Variants in GNAO1 observed in about 807,000 individuals in gnomAD.
The protein encoded by GNAO1 is guanine nucleotide-binding protein G(o) subunit alpha.
For missense variants in GNAO1, 166 were observed against 478.7 expected (o/e 0.35, Z 6.10); for synonymous variants, 164 against 180.7 (o/e 0.91, Z 0.74).
intron 3 of GNAO1, among the ~76,000 whole-genome samples, chr16:56,297,524 TGTGTG>T (rs1265398922): frequency 8.3e-5 from 2 of 24,210 alleles, no homozygotes; most frequent in South Asian, 1.4e-3. Context: ...GTCTAACTGG[TGTGTG>T]TGTGTGTGTG....
chr16:56,329,872 G>A (rs1024606997), intron 4 of GNAO1, among the ~76,000 whole-genome samples: 3 of 152,226 alleles, frequency 2.0e-5, no homozygotes, highest in African/African-American at 7.2e-5. Context: ...CAGCTAGCAG[G>A]TAGAGGCCAG....
intron 2 of GNAO1, among the ~76,000 whole-genome samples, chr16:56,236,352 GGAGA>G (rs1353875441): frequency 6.6e-6 from 1 of 152,152 alleles, no homozygotes; most frequent in East Asian, 1.9e-4. Context: ...ACATACAGAA[GGAGA>G]GAGAGACAGA....
chr16:56,243,096 T>C (rs2036710142), intron 2 of GNAO1, among the ~76,000 whole-genome samples: 2 of 151,610 alleles, frequency 1.3e-5, no homozygotes, highest in Non-Finnish European at 2.9e-5. Context: ...GATCTGTCAC[T>C]GTCTCCCATC....
chr16:56,312,307 G>A (rs1397226341), intron 3 of GNAO1, among the ~76,000 whole-genome samples: 1 of 152,214 alleles, frequency 6.6e-6, no homozygotes, highest in African/African-American at 2.4e-5. Flanking sequence ...AGTATAAAAT[G>A]GGGGAAACGA....
At chr16:56,324,002 G>A (rs936523445) in intron 3 of GNAO1, among the ~76,000 whole-genome samples, 1 of 152,188 alleles carries the variant, frequency 6.6e-6, no homozygotes, top group Non-Finnish European at 1.5e-5. Flanking sequence ...CAATGTGGAA[G>A]ACAGGAGAGA....
Position 56,331,437 on chromosome 16 carries a change from T to G in GNAO1, c.464+2646T>G, listed in dbSNP as rs1415467518. On this transcript the variant is annotated intron_variant, in intron 4 of 8. Transcript: ENST00000262493. ...TCCTCACCTTCTCTCTTGACCCCAC[T>G]CCTATCGAGCTCTTGCTCCTCCGCC... Among the ~76,000 whole-genome samples, 3 of 152,110 alleles carry G rather than the reference T, an allele frequency of 2.0e-5. No individual in the cohort carries two copies. In the East Asian group the frequency reaches 5.8e-4, roughly 29 times the overall value.
chr16:56,246,130 G>A (rs755393162), intron 2 of GNAO1, among the ~76,000 whole-genome samples: 1 of 152,178 alleles, frequency 6.6e-6, no homozygotes, highest in Non-Finnish European at 1.5e-5. Flanking sequence ...GCTGCCTCAG[G>A]GCACATGCCT....
rs2037966588 is a variant in GNAO1 at position 56,356,226 on chromosome 16, C to CG, written c.*154dup. 1 of 152,570 alleles carries CG rather than the reference C, an allele frequency of 6.6e-6. No homozygotes were observed. Among genetic ancestry groups the CG allele is most frequent in the Non-Finnish European group, 1.5e-5 (1 of 68,042 alleles). The allele number at this position is 152,570 out of a possible 1,614,324, so 9.5% of individuals were successfully genotyped here. The stretch of plus-strand genomic sequence containing the variant: ...TAACCTACGACCCCAGAGTGACTGA[C>CG]GGCTGTGTATTTCTGTAGAATGCTG... On this transcript the variant is annotated 3_prime_UTR_variant, in exon 9 of 9. Transcript: ENST00000262493.
chr16:56,306,102 T>C (rs1404095767), intron 3 of GNAO1, among the ~76,000 whole-genome samples: 2 of 152,346 alleles, frequency 1.3e-5, no homozygotes, highest in South Asian at 2.1e-4. Flanking sequence ...TGCAGCAGGC[T>C]GAGGAGCCCA....
chr16:56,277,385 C>T (rs1297115690), intron 3 of GNAO1, among the ~76,000 whole-genome samples: 2 of 152,152 alleles, frequency 1.3e-5, no homozygotes, highest in Non-Finnish European at 2.9e-5. Flanking sequence ...TCACTGCAGG[C>T]TTATGATGTG....
chr16:56,254,407 CT>C (rs1234475483), intron 2 of GNAO1, among the ~76,000 whole-genome samples: 7 of 151,974 alleles, frequency 4.6e-5, no homozygotes, highest in Non-Finnish European at 8.8e-5. Flanking sequence ...ATAAGTGTTC[CT>C]TTTATCATCA....
chr16:56,355,106 C>T, intron 8 of GNAO1, 25 bp downstream of exon 8: 1 of 1,087,742 alleles, frequency 9.2e-7, no homozygotes, highest in Non-Finnish European at 1.4e-6. Context: ...ACCCACAGAA[C>T]AGCTTGCGTG....
chr16:56,348,470 C>T (rs942605536), intron 6 of GNAO1, among the ~76,000 whole-genome samples: 2 of 152,244 alleles, frequency 1.3e-5, no homozygotes, highest in Admixed American at 6.5e-5. Flanking sequence ...CTGTGGGTGA[C>T]GTGGCAGTGG....
At chr16:56,247,203 A>G (rs917854066) in intron 2 of GNAO1, among the ~76,000 whole-genome samples, 12 of 152,220 alleles carry the variant, frequency 7.9e-5, no homozygotes, top group Admixed American at 2.6e-4. Context: ...ATCCAGGCAG[A>G]ACAGAACTGC....
chr16:56,316,259 A>G lies in GNAO1; in HGVS notation c.304-12372A>G, dbSNP rs575309270. On this transcript the variant is annotated intron_variant, in intron 3 of 8. Transcript: ENST00000262493. ...ACGTGAATGTCCCAGGCCCCAACAC[A>G]TGGAAGGCCTGGCATTTCCTCTGCC... 2.3e-4 allele frequency among the ~76,000 whole-genome samples: 35 copies of G among 152,184 alleles called. 1 individual carries two copies. Among genetic ancestry groups the G allele is most frequent in the Admixed American group, 2.3e-3 (35 of 15,294 alleles).
chr16:56,268,358 A>G (rs1373223273), intron 2 of GNAO1, among the ~76,000 whole-genome samples: 3 of 152,196 alleles, frequency 2.0e-5, no homozygotes, highest in Non-Finnish European at 4.4e-5. Flanking sequence ...TTATCTTACC[A>G]TCTAGATTGA....
chr16:56,300,419 A>G (rs1325641232), intron 3 of GNAO1, among the ~76,000 whole-genome samples: 1 of 152,212 alleles, frequency 6.6e-6, no homozygotes, highest in Non-Finnish European at 1.5e-5. Flanking sequence ...ACTGTGTGAC[A>G]TAGTAACAGT....
Position 56,192,149 on chromosome 16 carries a change from C to T in GNAO1, c.-87C>T, listed in dbSNP as rs530274427. 2.2e-4 allele frequency: 164 copies of T among 738,878 alleles called. No homozygotes were observed. In the African/African-American group the frequency reaches 2.7e-3, roughly 12 times the overall value. The allele number at this position is 738,878 out of a possible 1,614,324, so 45.8% of individuals were successfully genotyped here. ...GTGATTTTCCCCCCTTGAGCCCAGGCTCTGCTCTCTGGGGGGGTGGGGGGC... is the reference window on the plus strand; with the variant it reads ...GTGATTTTCCCCCCTTGAGCCCAGGTTCTGCTCTCTGGGGGGGTGGGGGGC... On this transcript the variant is annotated 5_prime_UTR_variant, in exon 1 of 9. Coordinates refer to ENST00000262493, the MANE Select transcript of GNAO1 (RefSeq NM_020988.3).
At chr16:56,269,259 C>T (rs2036990373) in intron 2 of GNAO1, among the ~76,000 whole-genome samples, 1 of 152,170 alleles carries the variant, frequency 6.6e-6, no homozygotes, top group South Asian at 2.1e-4. Flanking sequence ...CTCTTCTTTT[C>T]TCCACTGTGG....
Sources: allele counts gnomAD v4.1 joint callset (sites outside exome capture counted in the v4.1 genomes callset), GRCh38; gene constraint gnomAD v4.1.1; transcripts MANE v1.5; gene names NCBI Gene and HGNC (gene_info 2026-07-23, HGNC 2026-07-21).